Variants in CERS6 observed in about 807,000 individuals in gnomAD.
CERS6 encodes LAG1 homolog, ceramide synthase 6.
A neutral mutation model predicts 56.8 loss-of-function variants in CERS6; 26 were observed. The ratio of observed to expected loss-of-function variants is 0.46; its 90% CI spans 0.34 to 0.63. The LOEUF (loss-of-function observed/expected upper bound fraction) is 0.63. Ranked by LOEUF, CERS6 falls within the 30% of genes least tolerant of loss-of-function variation. The probability of loss-of-function intolerance (pLI) is 0.01; values close to 1 mark genes in which losing one functional copy is unlikely to be tolerated. For missense variants in CERS6, 415 were observed against 467.5 expected (o/e 0.89, Z 1.04); for synonymous variants, 164 against 173.3 (o/e 0.95, Z 0.42).
chr2:168,612,579 C>A (rs1574100193), intron 3 of CERS6, among the ~76,000 whole-genome samples: 1 of 152,268 alleles, frequency 6.6e-6, no homozygotes, highest in Admixed American at 6.5e-5. Flanking sequence ...TAGGCCAGAG[C>A]AACAGTTGAT....
At chr2:168,457,571 T>G (rs767455835) in intron 1 of CERS6, among the ~76,000 whole-genome samples, 12 of 152,290 alleles carry the variant, frequency 7.9e-5, no homozygotes, top group Non-Finnish European at 1.6e-4. Flanking sequence ...AATATTATCT[T>G]CCCCTTTCTT....
At chr2:168,467,243 TGCCAGCTAGTCTAAGTGGCTCTGTA>T (rs1281213099) in intron 1 of CERS6, among the ~76,000 whole-genome samples, 1 of 152,230 alleles carries the variant, frequency 6.6e-6, no homozygotes, top group African/African-American at 2.4e-5. Context: ...GAGTAAAAGC[TGCCAGCTAGTCTAAGTGGCTCTGTA>T]GATCTTGTTT....
intron 4 of CERS6, among the ~76,000 whole-genome samples, chr2:168,678,265 C>A (rs1217305449): frequency 6.6e-6 from 1 of 152,194 alleles, no homozygotes; most frequent in Non-Finnish European, 1.5e-5. Flanking sequence ...CAAAAATCTG[C>A]AGATGGCCCT....
At chr2:168,485,035 A>G (rs1445055344) in intron 1 of CERS6, among the ~76,000 whole-genome samples, 1 of 152,158 alleles carries the variant, frequency 6.6e-6, no homozygotes. Context: ...GTGGTTTTCT[A>G]TTTCAGCTGT....
intron 1 of CERS6, among the ~76,000 whole-genome samples, chr2:168,468,606 A>G (rs1693923721): frequency 6.6e-6 from 1 of 152,210 alleles, no homozygotes; most frequent in Non-Finnish European, 1.5e-5. Flanking sequence ...GTTTATTCAC[A>G]CACACAATCA....
intron 6 of CERS6, among the ~76,000 whole-genome samples, chr2:168,695,366 A>G (rs1003681660): frequency 6.6e-6 from 1 of 152,184 alleles, no homozygotes; most frequent in African/African-American, 2.4e-5. Context: ...AATAAAAAGC[A>G]AGAATTCTAT....
chr2:168,570,856 A>G (rs1479386716), intron 3 of CERS6, among the ~76,000 whole-genome samples: 1 of 152,150 alleles, frequency 6.6e-6, no homozygotes, highest in African/African-American at 2.4e-5. Context: ...TGTTTGTCTA[A>G]TGTGCATCTC....
intron 4 of CERS6, among the ~76,000 whole-genome samples, chr2:168,686,654 T>C (rs938760141): frequency 2.0e-5 from 3 of 152,088 alleles, no homozygotes; most frequent in Non-Finnish European, 4.4e-5. Flanking sequence ...CAAATGCCTG[T>C]GATGTTTTTC....
At chr2:168,759,651 GCTCATTCTTA>G (rs1017949622) in intron 8 of CERS6, among the ~76,000 whole-genome samples, 1 of 152,102 alleles carries the variant, frequency 6.6e-6, no homozygotes, top group African/African-American at 2.4e-5. Context: ...ACTTACTTTA[GCTCATTCTTA>G]CCTTTTATGG....
chr2:168,683,190 A>G (rs551491629), intron 4 of CERS6, among the ~76,000 whole-genome samples: 7 of 152,292 alleles, frequency 4.6e-5, no homozygotes, highest in African/African-American at 1.7e-4. Flanking sequence ...GACTCTTGAT[A>G]TATGTTACCA....
chr2:168,741,683 C>CAT (rs746329209), intron 8 of CERS6, among the ~76,000 whole-genome samples: 2 of 152,028 alleles, frequency 1.3e-5, no homozygotes, highest in African/African-American at 2.4e-5. Context: ...GACCAGAGCT[C>CAT]ATATATATAT....
intron 5 of CERS6, 116 bp downstream of exon 5, chr2:168,691,200 C>G: frequency 1.2e-6 from 1 of 842,748 alleles, no homozygotes. Flanking sequence ...TTTGGCCCCA[C>G]TCCCGCTGAT....
At chr2:168,744,117 T>A (rs1684020941) in intron 8 of CERS6, among the ~76,000 whole-genome samples, 1 of 144,686 alleles carries the variant, frequency 6.9e-6, no homozygotes, top group Admixed American at 6.9e-5. Flanking sequence ...GCCATTCTCC[T>A]GCCTCAGCCT....
intron 3 of CERS6, among the ~76,000 whole-genome samples, chr2:168,621,188 A>G (rs1033210716): frequency 2.0e-5 from 3 of 152,216 alleles, no homozygotes; most frequent in Admixed American, 2.0e-4. Flanking sequence ...TGTTCAAGGG[A>G]CACATGACAT....
chr2:168,679,183 G>T (rs1468471906), intron 4 of CERS6, among the ~76,000 whole-genome samples: 1 of 152,208 alleles, frequency 6.6e-6, no homozygotes, highest in African/African-American at 2.4e-5. Context: ...TGGGAAGGGA[G>T]GGTGGGGAGA....
chr2:168,660,286 C>A (rs1474092054), intron 4 of CERS6, among the ~76,000 whole-genome samples: 1 of 152,186 alleles, frequency 6.6e-6, no homozygotes, highest in African/African-American at 2.4e-5. Flanking sequence ...TCTGCCCTTC[C>A]CACCTCTCCA....
intron 4 of CERS6, among the ~76,000 whole-genome samples, chr2:168,685,568 T>C (rs1038289212): frequency 2.6e-5 from 4 of 152,110 alleles, no homozygotes; most frequent in African/African-American, 9.7e-5. Context: ...ATGCAGCCAA[T>C]AAAAGAAGAT....
At chr2:168,508,565 C>T (rs1410745729) in intron 1 of CERS6, among the ~76,000 whole-genome samples, 1 of 152,120 alleles carries the variant, frequency 6.6e-6, no homozygotes, top group Non-Finnish European at 1.5e-5. Context: ...TCTATAGGGA[C>T]ATGGATGAAG....
rs1693649811 is a variant in CERS6, at chr2:168,456,357, C to T, written c.-92C>T. ...AGCAGCGGCGGCGGCGGCACAGGCT[C>T]GGGGCCAGCCGGGCGCGCATCCCCG... On this transcript the variant is annotated 5_prime_UTR_variant, in exon 1 of 10. Coordinates refer to ENST00000305747, the MANE Select transcript of CERS6 (RefSeq NM_203463.3). This position sits in a 1 kb window ranked among gnomAD's most constrained non-coding sequence, Gnocchi z 4.1. The T allele has an allele frequency of 2.0e-6, 2 of 1,006,246 alleles. No homozygotes were observed. The highest frequency in any genetic ancestry group is 2.6e-6 in the Non-Finnish European group (2 of 761,884). 62.3% of individuals were successfully genotyped at this position (1,006,246 alleles called of 1,614,324 possible). A position where few individuals can be genotyped will look rare whatever the true frequency, so the allele number is the denominator to read the frequency against.
Sources: allele counts gnomAD v4.1 joint callset (sites outside exome capture counted in the v4.1 genomes callset), GRCh38; gene constraint gnomAD v4.1.1; non-coding constraint Gnocchi (gnomAD v3.1); transcripts MANE v1.5; gene names NCBI Gene and HGNC (gene_info 2026-07-23, HGNC 2026-07-21).